Variants in DLGAP2 observed in about 807,000 individuals in gnomAD.
The protein encoded by DLGAP2 is DLG associated protein 2.
Under a neutral mutation model 100.3 loss-of-function variants are expected in DLGAP2, and 26 were observed. That is an observed-to-expected ratio of 0.26 (90% CI 0.19 to 0.36). DLGAP2 has a LOEUF of 0.36. DLGAP2 is among the 10% of genes least tolerant of loss of function. The probability of loss-of-function intolerance (pLI) is 1.00; values close to 1 mark genes in which losing one functional copy is unlikely to be tolerated. For missense variants in DLGAP2, 1,858 were observed against 1,453.2 expected, an observed-to-expected ratio of 1.28 and a Z score of -4.53; for synonymous variants, 886 against 630.1, an observed-to-expected ratio of 1.41 and a Z score of -6.08.
intron 6 of DLGAP2, among the ~76,000 whole-genome samples, chr8:1,569,688 G>T (rs1324291638): frequency 6.6e-6 from 1 of 152,246 alleles, no homozygotes; most frequent in East Asian, 1.9e-4. Context: ...TTTATGGACA[G>T]AAACATGACT....
intron 3 of DLGAP2, among the ~76,000 whole-genome samples, chr8:1,485,141 C>T (rs1021688960): frequency 4.6e-5 from 7 of 152,168 alleles, no homozygotes; most frequent in Admixed American, 1.3e-4. Flanking sequence ...GAAATTGGGA[C>T]GATGTTAATG....
At chr8:1,579,858 G>A (rs915274077) in intron 6 of DLGAP2, among the ~76,000 whole-genome samples, 5 of 152,178 alleles carry the variant, frequency 3.3e-5, no homozygotes, top group African/African-American at 4.8e-5. Context: ...GGGGCACTAA[G>A]GAAGCCCCCA....
intron 1 of DLGAP2, among the ~76,000 whole-genome samples, chr8:866,013 G>C (rs1424720706): frequency 6.6e-6 from 1 of 152,166 alleles, no homozygotes; most frequent in South Asian, 2.1e-4. Context: ...TACTTTTATG[G>C]GTCTCTTTTT....
intron 1 of DLGAP2, among the ~76,000 whole-genome samples, chr8:788,530 A>G (rs1821940144): frequency 6.6e-6 from 1 of 152,182 alleles, no homozygotes; most frequent in Non-Finnish European, 1.5e-5. Context: ...TTGTGATTAT[A>G]TTTTACCCTT....
intron 2 of DLGAP2, among the ~76,000 whole-genome samples, chr8:985,785 C>G (rs549783186): frequency 6.6e-6 from 1 of 152,116 alleles, no homozygotes; most frequent in African/African-American, 2.4e-5. Context: ...CCCAGTGTTT[C>G]CCCAGATGTG....
At chr8:1,408,986 C>A (rs1222576924) in intron 3 of DLGAP2, among the ~76,000 whole-genome samples, 5 of 152,346 alleles carry the variant, frequency 3.3e-5, no homozygotes, top group South Asian at 2.1e-4. Context: ...TCAGTTAATT[C>A]CCTGAAAGAT....
chr8:1,372,166 G>C (rs932405658), intron 3 of DLGAP2, among the ~76,000 whole-genome samples: 5 of 152,226 alleles, frequency 3.3e-5, no homozygotes, highest in Middle Eastern at 3.4e-3. Context: ...GTGGGGCGCA[G>C]GTCACCGTGG....
At chr8:1,304,136 A>C (rs569376337) in intron 3 of DLGAP2, among the ~76,000 whole-genome samples, 1 of 152,326 alleles carries the variant, frequency 6.6e-6, no homozygotes, top group East Asian at 1.9e-4. Context: ...TGAAATTGCA[A>C]GTGAAGCCAC....
intron 3 of DLGAP2, among the ~76,000 whole-genome samples, chr8:1,450,459 G>A (rs1272699470): frequency 1.4e-5 from 2 of 146,682 alleles, no homozygotes; most frequent in Non-Finnish European, 1.5e-5. Flanking sequence ...GGTGGCTGTG[G>A]CTGAGGCTGA....
Position 1,632,976 on chromosome 8 carries a change from C to T in DLGAP2, c.1740C>T (p.Tyr580=). ...ACCTTCGAGCCATTCAAGCCGGCTA[C>T]TCCCAAGATGACGAATGTATTCCCA... ...HSYLRAIQAG[Y]SQDDECIPMM... The change falls in exon 8 of 15, where the codon TAC becomes TAT. Residue 580 remains tyrosine (Y), a synonymous_variant. Transcript: ENST00000637795. 6.2e-7 allele frequency: 1 copy of T among 1,614,048 alleles called. No individual in the cohort carries two copies. Among genetic ancestry groups the T allele is most frequent in the East Asian group, 2.2e-5 (1 of 44,884 alleles).
intron 2 of DLGAP2, among the ~76,000 whole-genome samples, chr8:1,164,984 C>A (rs1218375550): frequency 6.6e-6 from 1 of 152,052 alleles, no homozygotes; most frequent in Admixed American, 6.5e-5. Flanking sequence ...ATTAGAGAGT[C>A]TGGGAGTTGG....
At chr8:1,600,063 C>T (rs1796577504) in intron 6 of DLGAP2, among the ~76,000 whole-genome samples, 1 of 152,060 alleles carries the variant, frequency 6.6e-6, no homozygotes, top group African/African-American at 2.4e-5. Flanking sequence ...GTAAGGCAGG[C>T]CTGGTGGTGA....
intron 12 of DLGAP2, among the ~76,000 whole-genome samples, chr8:1,681,143 T>G (rs939033413): frequency 6.6e-6 from 1 of 152,200 alleles, no homozygotes; most frequent in Non-Finnish European, 1.5e-5. Flanking sequence ...CTATTATCAT[T>G]TGAGTTTATC....
At chr8:1,110,626 C>T (rs1804924669) in intron 2 of DLGAP2, among the ~76,000 whole-genome samples, 1 of 151,974 alleles carries the variant, frequency 6.6e-6, no homozygotes, top group African/African-American at 2.4e-5. Context: ...TCCAGCAGTG[C>T]CATACTGTCC....
intron 3 of DLGAP2, among the ~76,000 whole-genome samples, chr8:1,283,895 G>A (rs759482501): frequency 3.9e-5 from 6 of 152,204 alleles, no homozygotes; most frequent in Non-Finnish European, 8.8e-5. Flanking sequence ...TCAATGTGTT[G>A]TTTTATAACA....
chr8:868,775 T>C (rs936368483), intron 1 of DLGAP2, among the ~76,000 whole-genome samples: 11 of 152,122 alleles, frequency 7.2e-5, no homozygotes, highest in African/African-American at 2.2e-4. Flanking sequence ...TTCAGGTGGA[T>C]CACGTGTTCA....
intron 4 of DLGAP2, among the ~76,000 whole-genome samples, chr8:1,522,387 G>A (rs1057023263): frequency 2.0e-5 from 3 of 152,174 alleles, no homozygotes; most frequent in East Asian, 1.9e-4. Flanking sequence ...TGCAGCAGCC[G>A]GGGCCCAGGG....
chr8:1,130,049 G>A (rs1373880395), intron 2 of DLGAP2, among the ~76,000 whole-genome samples: 4 of 151,788 alleles, frequency 2.6e-5, no homozygotes, highest in African/African-American at 4.8e-5. Flanking sequence ...ACAAGTTAAG[G>A]GATCATGTCG....
chr8:1,081,275 C>T (rs1277800177), intron 2 of DLGAP2, among the ~76,000 whole-genome samples: 3 of 152,154 alleles, frequency 2.0e-5, no homozygotes, highest in Non-Finnish European at 4.4e-5. Context: ...AGTAAAAACT[C>T]AATAAAAATT....
Sources: allele counts gnomAD v4.1 joint callset (sites outside exome capture counted in the v4.1 genomes callset), GRCh38; gene constraint gnomAD v4.1.1; transcripts MANE v1.5; gene names NCBI Gene and HGNC (gene_info 2026-07-23, HGNC 2026-07-21).